Variants in LRBA observed in about 807,000 individuals in gnomAD.
The protein encoded by LRBA is LPS responsive beige-like anchor protein.
Under a neutral mutation model 330.0 loss-of-function variants are expected in LRBA, and 176 were observed. That is an observed-to-expected ratio of 0.53 (90% CI 0.47 to 0.60). LRBA has a LOEUF of 0.60. Ranked by LOEUF, LRBA falls within the 20% of genes least tolerant of loss-of-function variation. The probability of loss-of-function intolerance (pLI) is 0.00; values close to 1 mark genes in which losing one functional copy is unlikely to be tolerated. For synonymous variants in LRBA, 1,230 were observed against 1,193.0 expected, an observed-to-expected ratio of 1.03 and a Z score of -0.64; for missense variants, 3,259 against 3,444.8, an observed-to-expected ratio of 0.95 and a Z score of 1.35.
chr4:150,714,813 T>C (rs188764200), intron 36 of LRBA, among the ~76,000 whole-genome samples: 9 of 152,298 alleles, frequency 5.9e-5, no homozygotes, highest in Admixed American at 2.0e-4. Context: ...TAAATTAAGA[T>C]TGCTAATATA....
intron 2 of LRBA, among the ~76,000 whole-genome samples, chr4:150,985,049 G>A (rs762318564): frequency 6.6e-6 from 1 of 152,094 alleles, no homozygotes; most frequent in Non-Finnish European, 1.5e-5. Flanking sequence ...CCTAAGGTAG[G>A]GAGTTCAAGA....
In LRBA at chr4:150,419,946, A is replaced by G. The variant is rs569447790; in HGVS notation, c.7042-4356T>C. On this transcript the variant is annotated intron_variant, in intron 46 of 56. Coordinates refer to ENST00000651943, the MANE Select transcript of LRBA (RefSeq NM_001364905.1). ...AGCCACCAAGCCCAGCCATGATAAT[A>G]TATGTCTAGCCCAGGCACCGTGGCT... Among the ~76,000 whole-genome samples the G allele has an allele frequency of 5.3e-5, 8 of 150,510 alleles. No individual in the cohort carries two copies. The East Asian group carries it at 1.2e-3, about 22-fold the overall frequency.
At chr4:150,791,498 C>A (rs570499803) in intron 34 of LRBA, among the ~76,000 whole-genome samples, 4 of 152,064 alleles carry the variant, frequency 2.6e-5, no homozygotes, top group Non-Finnish European at 5.9e-5. Flanking sequence ...TAAAAGCATA[C>A]GACACATGTT....
At chr4:150,793,050 AGCCT>A (rs1225850596) in intron 34 of LRBA, among the ~76,000 whole-genome samples, 1 of 152,070 alleles carries the variant, frequency 6.6e-6, no homozygotes, top group Non-Finnish European at 1.5e-5. Context: ...ATTGCACTCC[AGCCT>A]GGGCGACAAG....
chr4:150,884,453 C>T (rs1054122927), intron 17 of LRBA, among the ~76,000 whole-genome samples: 1 of 152,134 alleles, frequency 6.6e-6, no homozygotes, highest in Non-Finnish European at 1.5e-5. Context: ...TAAGTAGCCA[C>T]AACTTTGAAT....
intron 2 of LRBA, among the ~76,000 whole-genome samples, chr4:150,973,528 C>T (rs1036234415): frequency 4.1e-4 from 63 of 152,256 alleles, no homozygotes; most frequent in Non-Finnish European, 3.5e-4. Context: ...TCTTGTTCTA[C>T]ATTAATATTT....
chr4:150,649,666 A>C (rs1779526879), intron 37 of LRBA, among the ~76,000 whole-genome samples: 1 of 152,108 alleles, frequency 6.6e-6, no homozygotes, highest in Non-Finnish European at 1.5e-5. Flanking sequence ...CTCTCCAATA[A>C]AGTTCACTAG....
chr4:150,353,855 C>A (rs1737488961), intron 47 of LRBA, among the ~76,000 whole-genome samples: 1 of 152,166 alleles, frequency 6.6e-6, no homozygotes, highest in African/African-American at 2.4e-5. Context: ...ATTTCTCAAA[C>A]ACTCAACTAA....
intron 36 of LRBA, among the ~76,000 whole-genome samples, chr4:150,717,484 C>T (rs1465586013): frequency 1.3e-5 from 2 of 151,532 alleles, no homozygotes; most frequent in Non-Finnish European, 2.9e-5. Context: ...ATGACAAAAC[C>T]GATCTCTACA....
chr4:150,475,452 T>G (rs1359892911), intron 42 of LRBA, among the ~76,000 whole-genome samples: 1 of 152,248 alleles, frequency 6.6e-6, no homozygotes, highest in African/African-American at 2.4e-5. Context: ...TAGCTCATTT[T>G]ATTTATGTGT....
Position 150,852,648 on chromosome 4 carries a change from G to A in LRBA, c.3062C>T (p.Ala1021Val), listed in dbSNP as rs778625136. The A allele has an allele frequency of 6.2e-7, 1 of 1,614,028 alleles. No homozygotes were observed. Among genetic ancestry groups the A allele is most frequent in the Non-Finnish European group, 8.5e-7 (1 of 1,179,946 alleles). The change falls in exon 23 of 57, where the codon GCT becomes GTT. Residue 1021 changes from alanine to valine, a missense_variant. Coordinates refer to ENST00000651943, the MANE Select transcript of LRBA (RefSeq NM_001364905.1). Reference protein sequence around the residue: ...TTNTSYEEMKAEQENQELPDE... With the variant: ...TTNTSYEEMKVEQENQELPDE... ...TGGTAACTCCTGATTTTCTTGCTCA[G>A]CTTTCATTTCTTCATAAGATGTATT...
intron 37 of LRBA, among the ~76,000 whole-genome samples, chr4:150,631,356 T>C (rs1228892331): frequency 6.6e-6 from 1 of 152,160 alleles, no homozygotes; most frequent in African/African-American, 2.4e-5. Flanking sequence ...AAGGGACTTG[T>C]TTCTCGGAAT....
At chr4:150,918,545 T>A (rs2149492030) in intron 5 of LRBA, among the ~76,000 whole-genome samples, 1 of 152,286 alleles carries the variant, frequency 6.6e-6, no homozygotes, top group East Asian at 1.9e-4. Flanking sequence ...GGTCAGGAGT[T>A]GAAGACCAGC....
rs570596041 is a variant in LRBA, at chr4:150,751,061, C to T, written c.5645+10722G>A. Among the ~76,000 whole-genome samples, 3 of 152,040 alleles carry T rather than the reference C, an allele frequency of 2.0e-5. 1 individual carries two copies. Among genetic ancestry groups the T allele is most frequent in the Admixed American group, 6.6e-5 (1 of 15,258 alleles). The stretch of plus-strand genomic sequence containing the variant: ...AAAAATACTTCAAACCAAATATTCT[C>T]AAGCATCTAAATTTATCTAAGCAAT... On this transcript the variant is annotated intron_variant, in intron 35 of 56. Transcript: ENST00000651943.
intron 46 of LRBA, chr4:150,422,586 G>A (rs1236806254): frequency 1.1e-5 from 6 of 544,708 alleles, no homozygotes; most frequent in Non-Finnish European, 2.0e-5. Flanking sequence ...CTCCTCTCTG[G>A]ACACTTAGAC....
intron 44 of LRBA, among the ~76,000 whole-genome samples, chr4:150,461,158 G>A (rs186325788): frequency 6.6e-6 from 1 of 151,810 alleles, no homozygotes; most frequent in East Asian, 1.9e-4. Flanking sequence ...CCTTTTTCAA[G>A]CAATAGCATG....
At chr4:150,441,056 G>C (rs1417051104) in intron 44 of LRBA, among the ~76,000 whole-genome samples, 1 of 151,978 alleles carries the variant, frequency 6.6e-6, no homozygotes, top group Non-Finnish European at 1.5e-5. Flanking sequence ...AAGTAATTTT[G>C]CTAGTTAACA....
At chr4:150,679,671 C>CA (rs1782881295) in intron 37 of LRBA, 1 of 152,162 alleles carries the variant, frequency 6.6e-6, no homozygotes, top group Non-Finnish European at 1.5e-5. Flanking sequence ...AGAACACACT[C>CA]AAGCAATCTG....
At chr4:150,634,590 T>C (rs1777701239) in intron 37 of LRBA, among the ~76,000 whole-genome samples, 1 of 152,206 alleles carries the variant, frequency 6.6e-6, no homozygotes. Context: ...TAATAAGCTA[T>C]CCCACACAAT....
Sources: gnomAD v4.1 joint callset for allele counts (sites outside exome capture counted in the v4.1 genomes callset) on GRCh38, gnomAD v4.1.1 for gene constraint, MANE v1.5 for transcripts, NCBI Gene and HGNC (gene_info 2026-07-23, HGNC 2026-07-21) for gene names.